The following ERRFI1 variants were observed in gnomAD, a reference collection of about 807,000 sequenced individuals.
ERRFI1 encodes the protein ERBB receptor feedback inhibitor 1.
ERRFI1 carries 12 observed loss-of-function variants against 14.6 expected under a neutral mutation model. The ratio of observed to expected loss-of-function variants is 0.82; its 90% CI spans 0.53 to 1.33. The LOEUF (loss-of-function observed/expected upper bound fraction) is 1.33. ERRFI1 is among the 40% of genes most tolerant of loss of function. The pLI is 0.00. For missense variants in ERRFI1, 482 were observed against 572.1 expected (o/e 0.84, Z 1.61); for synonymous variants, 202 against 209.9 (o/e 0.96, Z 0.32).
intron 1 of ERRFI1, 21 bp from the exon 2 acceptor site, chr1:8,015,713 G>A: frequency 6.7e-7 from 1 of 1,497,300 alleles, no homozygotes; most frequent in Admixed American, 1.9e-5. Flanking sequence ...GAAGAGATGA[G>A]AGAATAAAGA....
At chr1:8,024,410 C>T (rs1453384063) in intron 1 of ERRFI1, among the ~76,000 whole-genome samples, 1 of 152,168 alleles carries the variant, frequency 6.6e-6, no homozygotes, top group Non-Finnish European at 1.5e-5. Flanking sequence ...ATTTGCTTTC[C>T]AACCCTTATC....
intron 1 of ERRFI1, among the ~76,000 whole-genome samples, chr1:8,023,449 T>C (rs535171488): frequency 3.7e-4 from 56 of 152,306 alleles, no homozygotes; most frequent in African/African-American, 1.3e-3. Flanking sequence ...AGCTAATTTT[T>C]GTGTTTTTTT....
chr1:8,023,561 G>A (rs1348560420), intron 1 of ERRFI1, among the ~76,000 whole-genome samples: 3 of 152,186 alleles, frequency 2.0e-5, no homozygotes, highest in East Asian at 1.9e-4. Context: ...TTACAGGCCT[G>A]AGCCACTGAG....
chr1:8,016,143 G>C (rs1641170989), intron 1 of ERRFI1, among the ~76,000 whole-genome samples: 1 of 152,158 alleles, frequency 6.6e-6, no homozygotes, highest in African/African-American at 2.4e-5. Context: ...TTATGCTGTA[G>C]AACTAATACT....
chr1:8,015,490 C>T lies in ERRFI1; in HGVS notation c.125+5G>A. 1.2e-6 allele frequency: 2 copies of T among 1,614,120 alleles called. No individual in the cohort carries two copies. The highest frequency in any genetic ancestry group is 1.7e-6 in the Non-Finnish European group (2 of 1,179,948). On this transcript the variant is annotated splice_donor_5th_base_variant and intron_variant, in intron 2 of 3. Transcript: ENST00000377482. Reference sequence around the variant, plus strand: ...GATTACAGCAGCATTACATCCTCTACTTACTTTTTAAACTCACTGCGACTG... The same window carrying T: ...GATTACAGCAGCATTACATCCTCTATTTACTTTTTAAACTCACTGCGACTG...
intron 1 of ERRFI1, among the ~76,000 whole-genome samples, chr1:8,025,036 G>GA (rs559872821): frequency 2.0e-5 from 3 of 152,082 alleles, no homozygotes; most frequent in South Asian, 4.1e-4. Flanking sequence ...TTCTGGAAGG[G>GA]AAAAAAAGGG....
rs143947835 is a variant in ERRFI1 at position 8,013,650 on chromosome 1, G to A, written c.949C>T (p.Pro317Ser). The change falls in exon 4 of 4, where the codon CCC becomes TCC. Residue 317 changes from proline to serine, a missense_variant. Transcript: ENST00000377482. The surrounding 1 kb of genome is among the most constrained non-coding windows in gnomAD (Gnocchi z 4.3). The part of the protein sequence containing the change: ...SSTYSDEDRP[P>S]KVPPREPLSP... ...AAAGGTTCTCTTGGCGGTACTTTGG[G>A]AGGCCTGTCTTCATCACTATAGGTG... The A allele has an allele frequency of 1.2e-6, 2 of 1,614,046 alleles. No homozygotes were observed. Among genetic ancestry groups the A allele is most frequent in the African/African-American group, 2.7e-5 (2 of 74,914 alleles).
At chr1:8,020,552 A>ATTTT (rs36053481) in intron 1 of ERRFI1, among the ~76,000 whole-genome samples, 13 of 134,176 alleles carry the variant, frequency 9.7e-5, no homozygotes, top group African/African-American at 2.5e-4. Context: ...AAAAACACCA[A>ATTTT]TTTTTTTTTT....
At chr1:8,019,561 T>C (rs1569593738) in intron 1 of ERRFI1, among the ~76,000 whole-genome samples, 1 of 152,194 alleles carries the variant, frequency 6.6e-6, no homozygotes, top group Admixed American at 6.5e-5. Flanking sequence ...ATGTCTATTA[T>C]TTATTAAATG....
At chr1:8,021,628 G>C (rs930497754) in intron 1 of ERRFI1, among the ~76,000 whole-genome samples, 8 of 152,152 alleles carry the variant, frequency 5.3e-5, no homozygotes, top group Non-Finnish European at 1.0e-4. Flanking sequence ...GGTAACTCTA[G>C]ATTGTTACAA....
At position 8,013,308 on chromosome 1, in the gene ERRFI1, C is replaced by T. The variant is rs1373099963; in HGVS notation, c.1291G>A (p.Gly431Ser). The T allele has an allele frequency of 2.5e-5, 41 of 1,614,034 alleles. No homozygotes were observed. Among genetic ancestry groups the T allele is most frequent in the African/African-American group, 8.0e-5 (6 of 74,902 alleles). ...AQIQPLPADC[G>S]ISSATEKPDS... is the part of the protein sequence containing the mutation. Reference sequence around the variant, plus strand: ...GGCTTTTCTGTGGCTGAAGATATACCGCAGTCAGCAGGTAATGGCTGGATT... The same window carrying T: ...GGCTTTTCTGTGGCTGAAGATATACTGCAGTCAGCAGGTAATGGCTGGATT... Residue 431 changes from glycine to serine, a missense_variant, in exon 4 of 4, where the codon GGT (glycine) becomes AGT (serine). By Grantham distance (56) the Gly-to-Ser change is moderately conservative. Coordinates refer to ENST00000377482, the MANE Select transcript of ERRFI1 (RefSeq NM_018948.4). This position sits in a 1 kb window ranked among gnomAD's most constrained non-coding sequence, Gnocchi z 4.3.
At chr1:8,014,608 T>A (rs1641145302) in intron 3 of ERRFI1, 1 of 545,260 alleles carries the variant, frequency 1.8e-6, no homozygotes. Context: ...AAGAACAAAC[T>A]ATCTCCTCTA....
Position 8,015,551 on chromosome 1 carries a change from G to A in ERRFI1, c.69C>T (p.Gly23=), listed in dbSNP as rs756719677. ...TCTTCCTCATATTCCCCATGGCTCG[G>A]CCATTATGTAGAAATCCAGTTTTTA... ...VPLKTGFLHN[G]RAMGNMRKTY... is the part of the protein sequence containing the mutation. Residue 23 remains glycine (G), a synonymous_variant, in exon 2 of 4, where the codon GGC becomes GGT. Transcript: ENST00000377482. 12 of 1,614,088 alleles carry A rather than the reference G, an allele frequency of 7.4e-6. No homozygotes were observed. Among genetic ancestry groups the A allele is most frequent in the Non-Finnish European group, 3.4e-6 (4 of 1,179,994 alleles).
In ERRFI1 at chr1:8,017,133, G is replaced by T. The variant is rs1283046743; in HGVS notation, c.-73-1441C>A. Among the ~76,000 whole-genome samples, 3 of 148,756 alleles carry T rather than the reference G, an allele frequency of 2.0e-5. No individual in the cohort carries two copies. The East Asian group carries it at 8.1e-4, about 40-fold the overall frequency. On this transcript the variant is annotated intron_variant, in intron 1 of 3. Coordinates refer to ENST00000377482, the MANE Select transcript of ERRFI1 (RefSeq NM_018948.4). The stretch of plus-strand genomic sequence containing the variant: ...CAACTCAATATACACATTGTGTAAG[G>T]CACAGGGTTTTTTTTTTTAAAGCTA...
At chr1:8,019,454 T>A (rs1225293402) in intron 1 of ERRFI1, among the ~76,000 whole-genome samples, 1 of 152,226 alleles carries the variant, frequency 6.6e-6, no homozygotes, top group Non-Finnish European at 1.5e-5. Flanking sequence ...TTGTGTTATT[T>A]TGTGCTGGGC....
chr1:8,014,477 A>G (rs563386854), intron 3 of ERRFI1, 81 bp from the exon 4 acceptor site: 28 of 1,325,030 alleles, frequency 2.1e-5, no homozygotes, highest in African/African-American at 1.0e-4. Flanking sequence ...CCAGCTACCT[A>G]TGCTTCCACA....
At chr1:8,020,075 A>T (rs1483232759) in intron 1 of ERRFI1, among the ~76,000 whole-genome samples, 4 of 135,234 alleles carry the variant, frequency 3.0e-5, no homozygotes, top group African/African-American at 5.5e-5. Flanking sequence ...GAAACTGCTT[A>T]AAAAAAAAAA....
intron 1 of ERRFI1, among the ~76,000 whole-genome samples, chr1:8,023,200 A>G (rs1408219963): frequency 6.6e-6 from 1 of 152,220 alleles, no homozygotes; most frequent in Non-Finnish European, 1.5e-5. Flanking sequence ...GCTTTTGGAT[A>G]ATGTCTTCCA....
At chr1:8,024,182 T>C (rs947628183) in intron 1 of ERRFI1, among the ~76,000 whole-genome samples, 2 of 152,180 alleles carry the variant, frequency 1.3e-5, no homozygotes, top group Non-Finnish European at 2.9e-5. Flanking sequence ...CCACCATTAG[T>C]TTCAGCAGAA....
Sources: gnomAD v4.1 joint callset for allele counts (sites outside exome capture counted in the v4.1 genomes callset) on GRCh38, gnomAD v4.1.1 for gene constraint, Gnocchi (gnomAD v3.1) non-coding constraint, MANE v1.5 for transcripts, NCBI Gene and HGNC (gene_info 2026-07-23, HGNC 2026-07-21) for gene names.